The following SH3GL2 variants were observed in gnomAD, a reference collection of about 807,000 sequenced individuals.
SH3GL2 encodes SH3 domain containing GRB2 like 2, endophilin A1, also known as endophilin-A1.
In SH3GL2, 24 loss-of-function variants were observed where a neutral mutation model predicts 46.0. The ratio of observed to expected loss-of-function variants is 0.52; its 90% CI spans 0.38 to 0.73. The LOEUF (loss-of-function observed/expected upper bound fraction) is 0.73, where lower values mean the gene tolerates loss of function less well. Among genes scored for constraint, SH3GL2 ranks in the 30% least tolerant of loss-of-function variants. The probability of loss-of-function intolerance (pLI) is 0.00; values close to 1 mark genes in which losing one functional copy is unlikely to be tolerated. For synonymous variants in SH3GL2, 196 were observed against 147.1 expected (o/e 1.33, Z -2.40); for missense variants, 413 against 424.2 (o/e 0.97, Z 0.23).
At position 17,643,531 on chromosome 9, in the gene SH3GL2, AT is replaced by A. The variant is rs568219515; in HGVS notation, c.45+64248del. ...GGGTTTGTCATAAAAAGTTCTTATT[AT>A]TTTGAGATATGTTCCATCAATACCG... On this transcript the variant is annotated intron_variant, in intron 1 of 8. Transcript: ENST00000380607. 1.8e-3 allele frequency among the ~76,000 whole-genome samples: 281 copies of A among 152,204 alleles called. 1 individual carries two copies. The highest frequency in any genetic ancestry group is 6.6e-3 in the African/African-American group (273 of 41,530).
At chr9:17,726,938 A>G (rs887326047) in intron 1 of SH3GL2, among the ~76,000 whole-genome samples, 3 of 152,184 alleles carry the variant, frequency 2.0e-5, no homozygotes, top group African/African-American at 7.2e-5. Context: ...CACTAGACAC[A>G]GTAATTATAC....
At chr9:17,644,835 A>T (rs937558161) in intron 1 of SH3GL2, among the ~76,000 whole-genome samples, 1 of 152,138 alleles carries the variant, frequency 6.6e-6, no homozygotes, top group Non-Finnish European at 1.5e-5. Context: ...GATGTCTATT[A>T]GGTCTGCTTG....
chr9:17,733,779 A>G (rs1394160063), intron 1 of SH3GL2, among the ~76,000 whole-genome samples: 1 of 152,154 alleles, frequency 6.6e-6, no homozygotes, highest in African/African-American at 2.4e-5. Context: ...ACCATGGAAT[A>G]CTATGCAGCT....
chr9:17,597,764 T>C (rs1251589793), intron 1 of SH3GL2, among the ~76,000 whole-genome samples: 1 of 152,140 alleles, frequency 6.6e-6, no homozygotes, highest in African/African-American at 2.4e-5. Flanking sequence ...ACTCTAGAAA[T>C]TATTTGGATT....
chr9:17,729,822 T>A (rs1188077290), intron 1 of SH3GL2, among the ~76,000 whole-genome samples: 2 of 152,166 alleles, frequency 1.3e-5, no homozygotes, highest in Non-Finnish European at 2.9e-5. Flanking sequence ...GGTCTATATA[T>A]CTGTTTTGGT....
At chr9:17,789,884 G>A (rs9298784) in intron 6 of SH3GL2, 305,689 of 515,118 alleles carry the variant, frequency 0.59, 91,532 homozygotes, top group East Asian at 0.87. Context: ...GGTTGTAAGG[G>A]TACTTGAGGT....
At chr9:17,778,110 T>C (rs1823695770) in intron 3 of SH3GL2, among the ~76,000 whole-genome samples, 1 of 152,186 alleles carries the variant, frequency 6.6e-6, no homozygotes, top group Admixed American at 6.6e-5. Flanking sequence ...CTCCATTTTA[T>C]TGAATAGTTC....
Position 17,628,665 on chromosome 9 carries a change from AT to A in SH3GL2, c.45+49386del, listed in dbSNP as rs199586932. Among the ~76,000 whole-genome samples the A allele has an allele frequency of 1.1e-4, 16 of 151,280 alleles. No homozygotes were observed. The East Asian group carries it at 1.4e-3, about 13-fold the overall frequency. On this transcript the variant is annotated intron_variant, in intron 1 of 8. Transcript: ENST00000380607. The stretch of plus-strand genomic sequence containing the variant: ...TTAATGGGTAGCTTTTTATTTATTC[AT>A]TTTTTTTAAATGGGTAGCTTTAATT...
intron 3 of SH3GL2, among the ~76,000 whole-genome samples, chr9:17,778,592 T>C (rs1823712081): frequency 1.3e-5 from 2 of 151,924 alleles, no homozygotes; most frequent in Non-Finnish European, 1.5e-5. Context: ...GGGAGAAGAG[T>C]GATGTGATCT....
intron 1 of SH3GL2, among the ~76,000 whole-genome samples, chr9:17,727,604 T>C (rs1588277858): frequency 6.6e-6 from 1 of 152,090 alleles, no homozygotes; most frequent in Admixed American, 6.6e-5. Flanking sequence ...CAGTTCTTCC[T>C]GGGGGCAGCC....
intron 1 of SH3GL2, among the ~76,000 whole-genome samples, chr9:17,678,974 C>T (rs1209732115): frequency 6.6e-6 from 1 of 152,136 alleles, no homozygotes; most frequent in African/African-American, 2.4e-5. Flanking sequence ...GGCCTCTGTT[C>T]TGTTCCATTG....
chr9:17,655,126 T>TAAGCCAGG (rs1302473203), intron 1 of SH3GL2, among the ~76,000 whole-genome samples: 7 of 152,188 alleles, frequency 4.6e-5, no homozygotes, highest in Non-Finnish European at 1.0e-4. Context: ...CTAAGGGCCT[T>TAAGCCAGG]AAGCCAGGGT....
At chr9:17,640,508 A>G (rs1222025137) in intron 1 of SH3GL2, among the ~76,000 whole-genome samples, 1 of 152,184 alleles carries the variant, frequency 6.6e-6, no homozygotes, top group East Asian at 1.9e-4. Flanking sequence ...AAAGAAAACC[A>G]ACAACGTTGG....
intron 1 of SH3GL2, among the ~76,000 whole-genome samples, chr9:17,620,388 A>G (rs751060809): frequency 6.6e-6 from 1 of 152,226 alleles, no homozygotes; most frequent in Non-Finnish European, 1.5e-5. Flanking sequence ...GGTGTCAGAC[A>G]CTGTTTTAAC....
chr9:17,759,285 A>C (rs1233067378), intron 2 of SH3GL2, among the ~76,000 whole-genome samples: 3 of 152,140 alleles, frequency 2.0e-5, no homozygotes, highest in African/African-American at 7.2e-5. Context: ...TGAAGCTTCC[A>C]CAGACTTTGA....
intron 1 of SH3GL2, among the ~76,000 whole-genome samples, chr9:17,690,865 A>G (rs1265651909): frequency 6.6e-6 from 1 of 152,136 alleles, no homozygotes; most frequent in Non-Finnish European, 1.5e-5. Flanking sequence ...ATGAAGCTTA[A>G]CCCAGAGTCC....
At chr9:17,754,258 A>G (rs902896421) in intron 2 of SH3GL2, among the ~76,000 whole-genome samples, 2 of 152,212 alleles carry the variant, frequency 1.3e-5, no homozygotes, top group Non-Finnish European at 2.9e-5. Flanking sequence ...GAATTCATAA[A>G]CTGCTTTGAG....
intron 3 of SH3GL2, among the ~76,000 whole-genome samples, chr9:17,776,781 A>G (rs1442442139): frequency 6.6e-6 from 1 of 152,006 alleles, no homozygotes; most frequent in African/African-American, 2.4e-5. Context: ...GTGTGCTGCT[A>G]CAGGCTTAAC....
At chr9:17,702,244 G>A (rs1258531317) in intron 1 of SH3GL2, among the ~76,000 whole-genome samples, 7 of 151,880 alleles carry the variant, frequency 4.6e-5, no homozygotes. Context: ...GGCAGGACCA[G>A]GAAAATTTTC....
Sources: gnomAD v4.1 joint callset for allele counts (sites outside exome capture counted in the v4.1 genomes callset) on GRCh38, gnomAD v4.1.1 for gene constraint, MANE v1.5 for transcripts, NCBI Gene and HGNC (gene_info 2026-07-23, HGNC 2026-07-21) for gene names.